Variants in BRWD1 observed in about 807,000 individuals in gnomAD.
The protein encoded by BRWD1 is bromodomain and WD repeat-containing protein 1.
Under a neutral mutation model 251.2 loss-of-function variants are expected in BRWD1, and 82 were observed. That is an observed-to-expected ratio of 0.33 (90% CI 0.27 to 0.39). BRWD1 has a LOEUF of 0.39. Among genes scored for constraint, BRWD1 ranks in the 10% least tolerant of loss-of-function variants. BRWD1 has a pLI of 1.00. For missense variants in BRWD1, 2,233 were observed against 2,711.6 expected (o/e 0.82, Z 3.92); for synonymous variants, 918 against 902.8 (o/e 1.02, Z -0.30).
rs369467232 is a variant in BRWD1, at chr21:39,191,229, C to T, written c.*5030G>A. 6.6e-5 allele frequency: 65 copies of T among 985,316 alleles called. No homozygotes were observed. In the South Asian group the frequency reaches 3.0e-3, roughly 45 times the overall value. The allele number at this position is 985,316 out of a possible 1,614,324, so 61.0% of individuals were successfully genotyped here. On this transcript the variant is annotated 3_prime_UTR_variant, in exon 41 of 41. Coordinates refer to ENST00000342449, the MANE Select transcript of BRWD1 (RefSeq NM_033656.4). Reference sequence around the variant, plus strand: ...ATGGCAAACCCCTTTTCCAGCAGGGCTCCTGACTCGCTTCAGTTCCCCTAT... The same window carrying T: ...ATGGCAAACCCCTTTTCCAGCAGGGTTCCTGACTCGCTTCAGTTCCCCTAT...
intron 13 of BRWD1, among the ~76,000 whole-genome samples, chr21:39,272,766 T>A (rs1458275483): frequency 6.6e-6 from 1 of 151,852 alleles, no homozygotes; most frequent in East Asian, 2.0e-4. Context: ...TGCCACCATA[T>A]CCGGCTAATT....
At chr21:39,308,521 T>G (rs1264507561) in intron 4 of BRWD1, among the ~76,000 whole-genome samples, 1 of 148,980 alleles carries the variant, frequency 6.7e-6, no homozygotes, top group Non-Finnish European at 1.5e-5. Flanking sequence ...CCAAAAATAC[T>G]CTTGCCCCCA....
Position 39,270,024 on chromosome 21 carries a change from C to T in BRWD1, c.1405G>A (p.Asp469Asn). 6.4e-7 allele frequency: 1 copy of T among 1,564,306 alleles called. No homozygotes were observed. ...QLLHNLMGHADEVFVLETHPF... is the reference protein window; with the variant it reads ...QLLHNLMGHANEVFVLETHPF... The stretch of plus-strand genomic sequence containing the variant: ...TGTGTCTCCAGAACAAATACTTCAT[C>T]AGCATGTCCCTTTATTTAACAAAGT... Residue 469 changes from aspartate (D) to asparagine (N), a missense_variant, in exon 15 of 41, where the codon GAT becomes AAT. Physicochemically the swap from Asp to Asn is conservative, Grantham distance 23. Coordinates refer to ENST00000342449, the MANE Select transcript of BRWD1 (RefSeq NM_033656.4).
chr21:39,247,371 T>C (rs1310156267), intron 21 of BRWD1, among the ~76,000 whole-genome samples: 25 of 152,232 alleles, frequency 1.6e-4, no homozygotes, highest in Non-Finnish European at 4.4e-5. Flanking sequence ...CATTTGCACT[T>C]ACAGGTTGAG....
intron 8 of BRWD1, among the ~76,000 whole-genome samples, chr21:39,285,309 ATGGCTG>A (rs1379419610): frequency 1.3e-5 from 2 of 152,156 alleles, no homozygotes; most frequent in Non-Finnish European, 2.9e-5. Context: ...GTGGTTACCT[ATGGCTG>A]GGGAGTATGG....
intron 15 of BRWD1, among the ~76,000 whole-genome samples, chr21:39,268,210 C>T (rs1305750011): frequency 3.3e-5 from 5 of 151,982 alleles, no homozygotes; most frequent in East Asian, 1.9e-4. Context: ...GAGGCCGAGG[C>T]GGGTGATCAC....
chr21:39,200,159 A>C, intron 39 of BRWD1, 60 bp downstream of exon 39: 1 of 1,456,608 alleles, frequency 6.9e-7, no homozygotes. Flanking sequence ...AATCTATTCA[A>C]TTTATAACTT....
At chr21:39,264,327 GA>G (rs950157049) in intron 17 of BRWD1, 132 bp downstream of exon 17, 330 of 607,330 alleles carry the variant, frequency 5.4e-4, no homozygotes, top group Non-Finnish European at 7.5e-4. Flanking sequence ...ACAATACACA[GA>G]AAAAAAATAA....
At position 39,187,505 on chromosome 21, in the gene BRWD1, C is replaced by A; in HGVS notation, c.*8754G>T. On this transcript the variant is annotated 3_prime_UTR_variant, in exon 41 of 41. Transcript: ENST00000342449. ...CTAACATTCCTCAACAACACTCATTCGGAAACAATAAATTTAAAAGTCATA... is the reference window on the plus strand; with the variant it reads ...CTAACATTCCTCAACAACACTCATTAGGAAACAATAAATTTAAAAGTCATA... 6.9e-7 allele frequency: 1 copy of A among 1,440,766 alleles called. No individual in the cohort carries two copies. Among genetic ancestry groups the A allele is most frequent in the Non-Finnish European group, 9.1e-7 (1 of 1,098,232 alleles). 89.2% of individuals were successfully genotyped at this position (1,440,766 alleles called of 1,614,324 possible). A position where few individuals can be genotyped will look rare whatever the true frequency, so the allele number is the denominator to read the frequency against.
At chr21:39,291,462 G>C (rs998140906) in intron 8 of BRWD1, among the ~76,000 whole-genome samples, 6 of 152,142 alleles carry the variant, frequency 3.9e-5, no homozygotes, top group Non-Finnish European at 7.4e-5. Context: ...CAGGGTAGTA[G>C]GGACAGCACT....
At chr21:39,249,212 G>A (rs550372707) in intron 20 of BRWD1, among the ~76,000 whole-genome samples, 117 of 152,240 alleles carry the variant, frequency 7.7e-4, no homozygotes, top group South Asian at 5.2e-3. Context: ...AGGGCACAAC[G>A]TGGAAAAAGG....
At chr21:39,201,109 C>G (rs896858779) in intron 38 of BRWD1, among the ~76,000 whole-genome samples, 1 of 152,192 alleles carries the variant, frequency 6.6e-6, no homozygotes, top group Non-Finnish European at 1.5e-5. Flanking sequence ...GTTTGCATGT[C>G]TCACCATCCT....
intron 38 of BRWD1, among the ~76,000 whole-genome samples, chr21:39,201,762 G>A (rs949930716): frequency 4.6e-5 from 7 of 152,080 alleles, no homozygotes; most frequent in South Asian, 2.1e-4. Flanking sequence ...TTATCTGTAT[G>A]TATATTTTTC....
chr21:39,321,041 A>G (rs1385454552), exon 1 of BRWD1: 1 of 152,214 alleles, frequency 6.6e-6, no homozygotes, highest in African/African-American at 2.4e-5. Flanking sequence ...AAATGTATCC[A>G]GAATCTAAGC....
At position 39,252,207 on chromosome 21, in the gene BRWD1, C is replaced by A. The variant is rs566035892; in HGVS notation, c.2256-1318G>T. On this transcript the variant is annotated intron_variant, in intron 19 of 40. Coordinates refer to ENST00000342449, the MANE Select transcript of BRWD1 (RefSeq NM_033656.4). ...GAGGCTGAAGTGAGCCAAGATCACA[C>A]CATTACACTCCAGCCTGGGCAACAA... Among the ~76,000 whole-genome samples, 19 of 147,868 alleles carry A rather than the reference C, an allele frequency of 1.3e-4. No homozygotes were observed. In the East Asian group the frequency reaches 3.4e-3, roughly 26 times the overall value.
chr21:39,274,335 A>G, intron 13 of BRWD1, 39 bp downstream of exon 13: 1 of 1,466,538 alleles, frequency 6.8e-7, no homozygotes, highest in Admixed American at 1.7e-5. Flanking sequence ...GACAGATCGA[A>G]CACCTATGAT....
chr21:39,216,797 C>A, intron 31 of BRWD1: 1 of 289,232 alleles, frequency 3.5e-6, no homozygotes, highest in South Asian at 4.1e-5. Flanking sequence ...TTTTTTTTAA[C>A]TTTTAAGTTC....
At chr21:39,266,347 A>G (rs2034922889) in intron 15 of BRWD1, among the ~76,000 whole-genome samples, 1 of 152,236 alleles carries the variant, frequency 6.6e-6, no homozygotes, top group African/African-American at 2.4e-5. Context: ...TCATTAAAAC[A>G]TAAGAACATG....
In BRWD1 at chr21:39,261,595, G is replaced by A. The variant is rs1270228027; in HGVS notation, c.1885+2865C>T. The stretch of plus-strand genomic sequence containing the variant: ...ATAAATATCTCAGTATTGTTATGAA[G>A]ATGGCTGTGACCTTGCAGACTCCAT... On this transcript the variant is annotated intron_variant, in intron 17 of 40. Coordinates refer to ENST00000342449, the MANE Select transcript of BRWD1 (RefSeq NM_033656.4). Among the ~76,000 whole-genome samples, 3 of 152,256 alleles carry A rather than the reference G, an allele frequency of 2.0e-5. No homozygotes were observed. In the East Asian group the frequency reaches 5.8e-4, roughly 29 times the overall value.
Sources: gnomAD v4.1 joint callset for allele counts (sites outside exome capture counted in the v4.1 genomes callset) on GRCh38, gnomAD v4.1.1 for gene constraint, MANE v1.5 for transcripts, NCBI Gene and HGNC (gene_info 2026-07-23, HGNC 2026-07-21) for gene names.